WDR26: variants seen among roughly 807,000 people sequenced by gnomAD.
The protein encoded by WDR26 is WD repeat-containing protein 26.
In WDR26, 5 loss-of-function variants were observed where a neutral mutation model predicts 84.1. The observed-to-expected ratio is 0.06, with a 90% CI of 0.03 to 0.13. WDR26 has a LOEUF of 0.13. WDR26 is among the 10% of genes least tolerant of loss of function. The pLI, the probability that WDR26 is intolerant of heterozygous loss-of-function variation, is 1.00. For missense variants in WDR26, 642 were observed against 974.9 expected, an observed-to-expected ratio of 0.66 and a Z score of 4.55; for synonymous variants, 415 against 389.6, an observed-to-expected ratio of 1.07 and a Z score of -0.77.
At chr1:224,420,522 GTACT>G (rs540788304) in intron 4 of WDR26, among the ~76,000 whole-genome samples, 9 of 152,146 alleles carry the variant, frequency 5.9e-5, no homozygotes, top group Non-Finnish European at 1.2e-4. Context: ...AGCATTTTAA[GTACT>G]TAGTCTACGA....
chr1:224,401,671 C>CAAAAAAAAAAAA (rs767368281), intron 8 of WDR26, among the ~76,000 whole-genome samples: 55 of 49,610 alleles, frequency 1.1e-3, no homozygotes, highest in African/African-American at 1.4e-3. Flanking sequence ...GAGACTGTCT[C>CAAAAAAAAAAAA]AAAAAAAAAA....
At chr1:224,391,983 C>G (rs980381809) in intron 13 of WDR26, among the ~76,000 whole-genome samples, 18 of 152,116 alleles carry the variant, frequency 1.2e-4, no homozygotes, top group Non-Finnish European at 2.1e-4. Flanking sequence ...CAAAATTTGG[C>G]TCACTCACCA....
At chr1:224,399,098 C>T in intron 9 of WDR26, 64 bp from the exon 10 acceptor site, 2 of 1,388,038 alleles carry the variant, frequency 1.4e-6, no homozygotes, top group Non-Finnish European at 1.9e-6. Flanking sequence ...AAATAAAGAA[C>T]CAAAAGACTC....
At chr1:224,413,252 C>T in intron 6 of WDR26, 1 of 1,171,380 alleles carries the variant, frequency 8.5e-7, no homozygotes. Flanking sequence ...AATGGATACA[C>T]CTTTAAGTGT....
intron 6 of WDR26, chr1:224,413,334 G>C (rs765011083): frequency 8.1e-7 from 1 of 1,241,358 alleles, no homozygotes; most frequent in Non-Finnish European, 1.0e-6. Context: ...CAATTCACCA[G>C]TCTGAAACAA....
At chr1:224,409,863 A>C (rs901708106) in intron 7 of WDR26, among the ~76,000 whole-genome samples, 1 of 151,350 alleles carries the variant, frequency 6.6e-6, no homozygotes, top group Non-Finnish European at 1.5e-5. Context: ...ATACTGTCTC[A>C]GAGAAAAAAA....
intron 7 of WDR26, among the ~76,000 whole-genome samples, chr1:224,405,429 T>C (rs1673524715): frequency 6.6e-6 from 1 of 152,200 alleles, no homozygotes; most frequent in Non-Finnish European, 1.5e-5. Flanking sequence ...TTCTCTTGGG[T>C]ATATACATAG....
intron 6 of WDR26, among the ~76,000 whole-genome samples, chr1:224,414,124 T>G (rs1260770562): frequency 6.8e-6 from 1 of 147,298 alleles, no homozygotes; most frequent in Non-Finnish European, 1.5e-5. Context: ...TTTTTTTTTT[T>G]GAGACTGAGT....
In WDR26 at chr1:224,404,722, A is replaced by C. The variant is rs60528552; in HGVS notation, c.1459-152T>G. 1.6e-3 allele frequency: 1,368 copies of C among 842,390 alleles called. 16 individuals carry two copies. The African/African-American group carries it at 0.021, about 13-fold the overall frequency. 52.2% of individuals were successfully genotyped at this position (842,390 alleles called of 1,614,324 possible). The stretch of plus-strand genomic sequence containing the variant: ...TTCCCTTTAACAGCTTGCTTCATAA[A>C]GACTCATTCACATTGCAACATCTAT... On this transcript the variant is annotated intron_variant, in intron 7 of 13. Coordinates refer to ENST00000414423, the MANE Select transcript of WDR26 (RefSeq NM_001379403.1).
rs1673246822 is a variant in WDR26 at position 224,395,877 on chromosome 1, G to GT, written c.2075-1865dup. Among the ~76,000 whole-genome samples the GT allele has an allele frequency of 2.0e-5, 3 of 152,284 alleles. No homozygotes were observed. In the South Asian group the frequency reaches 6.2e-4, roughly 32 times the overall value. On this transcript the variant is annotated intron_variant, in intron 12 of 13. Coordinates refer to ENST00000414423, the MANE Select transcript of WDR26 (RefSeq NM_001379403.1). ...TGAGAAATCTATTGTTTATGCAAAG[G>GT]TAAAAAAGTCCAGTTTTTCTACATA... is the stretch of plus-strand genomic sequence containing the variant.
intron 13 of WDR26, among the ~76,000 whole-genome samples, chr1:224,390,696 G>A (rs1673100319): frequency 6.6e-6 from 1 of 151,998 alleles, no homozygotes; most frequent in South Asian, 2.1e-4. Context: ...TTTGAACCCG[G>A]GAGGCGGAGG....
intron 4 of WDR26, among the ~76,000 whole-genome samples, chr1:224,419,860 T>C (rs544690769): frequency 1.5e-4 from 18 of 116,488 alleles, no homozygotes; most frequent in Non-Finnish European, 2.1e-4. Context: ...ATATATTATA[T>C]ATATGGCTCT....
chr1:224,398,415 T>C, intron 11 of WDR26, 100 bp downstream of exon 11: 1 of 1,272,112 alleles, frequency 7.9e-7, no homozygotes. Context: ...AATTTAAGGG[T>C]AAGTAGAAAA....
At chr1:224,411,313 A>G (rs900033250) in intron 7 of WDR26, 114 bp downstream of exon 7, 11 of 1,148,366 alleles carry the variant, frequency 9.6e-6, no homozygotes, top group Non-Finnish European at 9.3e-6. Context: ...ATGATAAAAA[A>G]TGCTCTTAGA....
chr1:224,431,866 T>C (rs1572220088), intron 1 of WDR26, 85 bp from the exon 2 acceptor site: 1 of 1,108,614 alleles, frequency 9.0e-7, no homozygotes, highest in East Asian at 2.7e-5. Flanking sequence ...TGAAAACAGA[T>C]GCAAAGTTTT....
intron 1 of WDR26, 36 bp from the exon 2 acceptor site, chr1:224,431,817 A>T: frequency 6.6e-7 from 1 of 1,518,124 alleles, no homozygotes; most frequent in Non-Finnish European, 9.0e-7. Context: ...AGACCTGACC[A>T]ATTTTAGGGT....
intron 13 of WDR26, among the ~76,000 whole-genome samples, chr1:224,390,930 T>A (rs552525001): frequency 6.6e-6 from 1 of 152,318 alleles, no homozygotes; most frequent in South Asian, 2.1e-4. Flanking sequence ...TCACTATATC[T>A]ATGTTGTCTA....
chr1:224,431,848 A>G (rs1454012505), intron 1 of WDR26, 67 bp from the exon 2 acceptor site: 9 of 1,275,732 alleles, frequency 7.1e-6, no homozygotes, highest in Non-Finnish European at 9.5e-6. Flanking sequence ...CAAATAAACT[A>G]ATGTCCATGA....
chr1:224,390,068 G>A (rs1159853918), intron 13 of WDR26, among the ~76,000 whole-genome samples: 1 of 152,064 alleles, frequency 6.6e-6, no homozygotes, highest in South Asian at 2.1e-4. Context: ...CATATATTAT[G>A]ATCTAAATTC....
Sources: gnomAD v4.1 joint callset for allele counts (sites outside exome capture counted in the v4.1 genomes callset) on GRCh38, gnomAD v4.1.1 for gene constraint, MANE v1.5 for transcripts, NCBI Gene and HGNC (gene_info 2026-07-23, HGNC 2026-07-21) for gene names.